Variants in FIG4 observed in about 807,000 individuals in gnomAD.
FIG4 encodes FIG4 phosphoinositide 5-phosphatase.
A neutral mutation model predicts 118.6 loss-of-function variants in FIG4; 112 were observed. The observed-to-expected ratio is 0.94, with a 90% CI of 0.81 to 1.11. The LOEUF is 1.11. Ranked by LOEUF, FIG4 falls within the 50% of genes least tolerant of loss-of-function variation. The pLI is 0.00. For synonymous variants in FIG4, 369 were observed against 381.2 expected (o/e 0.97, Z 0.37); for missense variants, 969 against 1,111.7 (o/e 0.87, Z 1.83).
At chr6:109,771,864 A>G (rs748192511) in intron 15 of FIG4, among the ~76,000 whole-genome samples, 1 of 152,056 alleles carries the variant, frequency 6.6e-6, no homozygotes, top group Non-Finnish European at 1.5e-5. Flanking sequence ...GTACATCATC[A>G]GTTTCTCTGT....
intron 3 of FIG4, among the ~76,000 whole-genome samples, chr6:109,724,672 C>A (rs1452819087): frequency 1.3e-5 from 2 of 152,024 alleles, no homozygotes; most frequent in Admixed American, 6.6e-5. Flanking sequence ...AAATGGAGAG[C>A]CAAATGTGGG....
chr6:109,729,923 C>T (rs1775940787), intron 4 of FIG4, among the ~76,000 whole-genome samples: 1 of 151,974 alleles, frequency 6.6e-6, no homozygotes, highest in African/African-American at 2.4e-5. Flanking sequence ...CTATCCAAAA[C>T]CTTATGGAAA....
intron 16 of FIG4, among the ~76,000 whole-genome samples, chr6:109,783,672 GTTC>G (rs1336972058): frequency 1.3e-5 from 2 of 152,316 alleles, no homozygotes; most frequent in East Asian, 1.9e-4. Context: ...TCCTTGCTCT[GTTC>G]TTCTCATATT....
rs140111406 is a variant in FIG4 at position 109,735,279 on chromosome 6, A to G, written c.627A>G (p.Leu209=). Residue 209 remains leucine (L), a synonymous_variant, in exon 6 of 23, where the codon TTA becomes TTG. Transcript: ENST00000230124. ...TTGACATCTTTGAAGATGAAGGATTAATTACACAAGGTGGAAGCGGTAGGT... is the reference window on the plus strand; with the variant it reads ...TTGACATCTTTGAAGATGAAGGATTGATTACACAAGGTGGAAGCGGTAGGT... ...ESFDIFEDEG[L]ITQGGSGVFG... is the part of the protein sequence containing the mutation. The G allele has an allele frequency of 2.2e-4, 353 of 1,613,550 alleles. No homozygotes were observed. In the African/African-American group the frequency reaches 3.8e-3, roughly 18 times the overall value.
chr6:109,800,070 G>A (rs2128398957), intron 22 of FIG4, among the ~76,000 whole-genome samples: 1 of 152,320 alleles, frequency 6.6e-6, no homozygotes, highest in Non-Finnish European at 1.5e-5. Context: ...CCATTTTACA[G>A]ATGGGGAAAC....
intron 16 of FIG4, among the ~76,000 whole-genome samples, chr6:109,781,363 G>A (rs1340000395): frequency 6.6e-6 from 1 of 152,094 alleles, no homozygotes; most frequent in African/African-American, 2.4e-5. Context: ...ATATGCTGTG[G>A]TTTCAAGGCC....
At chr6:109,808,755 G>A (rs898353544) in intron 22 of FIG4, among the ~76,000 whole-genome samples, 1 of 152,110 alleles carries the variant, frequency 6.6e-6, no homozygotes, top group African/African-American at 2.4e-5. Context: ...ACAATTTACA[G>A]TGTTTGTTAC....
chr6:109,743,571 A>T, intron 9 of FIG4, 104 bp from the exon 10 acceptor site: 2 of 841,328 alleles, frequency 2.4e-6, no homozygotes, highest in South Asian at 2.7e-5. Context: ...GAAACTATTG[A>T]AAGATTAGTT....
At chr6:109,691,664 G>T (rs1368888624) in intron 1 of FIG4, among the ~76,000 whole-genome samples, 163 bp downstream of exon 1, 1 of 152,188 alleles carries the variant, frequency 6.6e-6, no homozygotes, top group Non-Finnish European at 1.5e-5. Flanking sequence ...CTTGAGCTGT[G>T]CCTGGGCGCC....
chr6:109,770,200 T>A (rs1003434198), intron 15 of FIG4, among the ~76,000 whole-genome samples: 5 of 152,154 alleles, frequency 3.3e-5, no homozygotes, highest in Non-Finnish European at 4.4e-5. Flanking sequence ...TTAATTCCCT[T>A]AAGGGCCTTG....
intron 1 of FIG4, among the ~76,000 whole-genome samples, chr6:109,710,632 A>G (rs1287337660): frequency 1.3e-5 from 2 of 151,972 alleles, no homozygotes; most frequent in African/African-American, 4.8e-5. Flanking sequence ...CTTGTAGGCT[A>G]TTTATTACTG....
intron 1 of FIG4, among the ~76,000 whole-genome samples, chr6:109,696,990 T>C (rs1001464816): frequency 3.3e-5 from 5 of 152,176 alleles, no homozygotes; most frequent in African/African-American, 1.2e-4. Flanking sequence ...TATTAAAATA[T>C]CACTCTATGT....
At chr6:109,806,628 T>C (rs974062336) in intron 22 of FIG4, among the ~76,000 whole-genome samples, 18 of 152,074 alleles carry the variant, frequency 1.2e-4, no homozygotes, top group African/African-American at 4.1e-4. Flanking sequence ...GTTACTTTTT[T>C]TTTTTTTAAT....
chr6:109,786,536 C>A, intron 18 of FIG4, 87 bp downstream of exon 18: 1 of 1,483,582 alleles, frequency 6.7e-7, no homozygotes, highest in South Asian at 1.1e-5. Flanking sequence ...TACCAGAAAT[C>A]CATTCTGTAG....
chr6:109,735,413 T>TA (rs1165365750), intron 6 of FIG4, 115 bp downstream of exon 6: 7 of 980,220 alleles, frequency 7.1e-6, no homozygotes, highest in Non-Finnish European at 1.1e-5. Flanking sequence ...TGTTTGTCCT[T>TA]ACGTGGGGTT....
Position 109,760,387 on chromosome 6 carries a change from A to G in FIG4, c.1271+4A>G. 6.2e-7 allele frequency: 1 copy of G among 1,611,128 alleles called. No individual in the cohort carries two copies. The highest frequency in any genetic ancestry group is 8.5e-7 in the Non-Finnish European group (1 of 1,177,530). ...ACATGGCCAAGTATACCAAAAGGTG[A>G]ATGATACTCATCTGTCTGGCTATGA... On this transcript the variant is annotated splice_donor_region_variant and intron_variant, in intron 11 of 22. Coordinates refer to ENST00000230124, the MANE Select transcript of FIG4 (RefSeq NM_014845.6).
At chr6:109,765,713 A>G (rs1307820895) in intron 14 of FIG4, among the ~76,000 whole-genome samples, 1 of 152,228 alleles carries the variant, frequency 6.6e-6, no homozygotes, top group Non-Finnish European at 1.5e-5. Flanking sequence ...CATACATACT[A>G]AAAATCTAAG....
intron 17 of FIG4, among the ~76,000 whole-genome samples, chr6:109,785,398 G>T (rs1381029961): frequency 2.0e-5 from 3 of 152,008 alleles, no homozygotes; most frequent in Non-Finnish European, 4.4e-5. Context: ...CTATTCACAA[G>T]GAGAACTTAA....
Position 109,792,736 on chromosome 6 carries a change from CT to C in FIG4, c.2459+91del, listed in dbSNP as rs34998755. 161,499 of 427,244 alleles carry C rather than the reference CT, an allele frequency of 0.38. 14,852 individuals are homozygous for C. The highest frequency in any genetic ancestry group is 0.41 in the African/African-American group (16,281 of 39,512). The allele number at this position is 427,244 out of a possible 1,614,324, so 26.5% of individuals were successfully genotyped here. ...TTACAGTAACTTCTAACTACTATAC[CT>C]TTTTTTTTTTTTTTTTTTGGAGACA... On this transcript the variant is annotated intron_variant, in intron 21 of 22. Coordinates refer to ENST00000230124, the MANE Select transcript of FIG4 (RefSeq NM_014845.6).
Sources: gnomAD v4.1 joint callset for allele counts (sites outside exome capture counted in the v4.1 genomes callset) on GRCh38, gnomAD v4.1.1 for gene constraint, MANE v1.5 for transcripts, NCBI Gene and HGNC (gene_info 2026-07-23, HGNC 2026-07-21) for gene names.